SLC15A1: variants seen among roughly 807,000 people sequenced by gnomAD.
The protein encoded by SLC15A1 is solute carrier family 15 member 1, also known as Caco-2 oligopeptide transporter.
In SLC15A1, 83 loss-of-function variants were observed where a neutral mutation model predicts 92.9. The ratio of observed to expected loss-of-function variants is 0.89; its 90% CI spans 0.75 to 1.07. SLC15A1 has a LOEUF of 1.07. SLC15A1 is among the 50% of genes least tolerant of loss of function. The probability of loss-of-function intolerance (pLI) is 0.00; values close to 1 mark genes in which losing one functional copy is unlikely to be tolerated. For synonymous variants in SLC15A1, 322 were observed against 318.2 expected, an observed-to-expected ratio of 1.01 and a Z score of -0.13; for missense variants, 857 against 880.1, an observed-to-expected ratio of 0.97 and a Z score of 0.33.
At chr13:98,740,982 G>A (rs903882488) in intron 1 of SLC15A1, among the ~76,000 whole-genome samples, 10 of 152,224 alleles carry the variant, frequency 6.6e-5, no homozygotes, top group Admixed American at 6.5e-4. Flanking sequence ...GGCTCTTGTT[G>A]AGGCTGTTTC....
chr13:98,714,492 C>T (rs2088195826), intron 9 of SLC15A1, among the ~76,000 whole-genome samples: 1 of 151,674 alleles, frequency 6.6e-6, no homozygotes, highest in South Asian at 2.1e-4. Context: ...CCTGTCTCTA[C>T]AGAAATAGAA....
Position 98,715,958 on chromosome 13 carries a change from C to G in SLC15A1, c.643G>C (p.Val215Leu). Residue 215 changes from valine (V) to leucine (L), a missense_variant and splice_region_variant, in exon 9 of 23, where the codon GTG (valine) becomes CTG (leucine). Val to Leu is a conservative substitution (Grantham distance 32, BLOSUM62 1). Transcript: ENST00000376503. Reference sequence around the variant, plus strand: ...TACATCCCACTGCCAAGGACAAACACAACTAGATAGGGCAGAAGAAGACAT... The same window carrying G: ...TACATCCCACTGCCAAGGACAAACAGAACTAGATAGGGCAGAAGAAGACAT... ...PAALMAVALI[V>L]FVLGSGMYKK... 2 of 1,614,004 alleles carry G rather than the reference C, an allele frequency of 1.2e-6. No individual in the cohort carries two copies. The highest frequency in any genetic ancestry group is 2.2e-5 in the South Asian group (2 of 91,084).
chr13:98,693,291 T>C (rs1274525320), intron 18 of SLC15A1, among the ~76,000 whole-genome samples: 2 of 151,894 alleles, frequency 1.3e-5, no homozygotes, highest in African/African-American at 4.8e-5. Context: ...AGAGATGGGG[T>C]TTCACCATGT....
intron 1 of SLC15A1, 36 bp downstream of exon 1, chr13:98,752,559 C>T: frequency 7.9e-7 from 1 of 1,270,004 alleles, no homozygotes; most frequent in Non-Finnish European, 9.9e-7. Context: ...AGCTCCGAGT[C>T]TTTAGCCCGG....
In SLC15A1 at chr13:98,684,749, CCT is replaced by C. The variant is rs773226430; in HGVS notation, c.2100_2101del (p.Ala702GlnfsTer23). ...TCACATCTGTTTCTGTGAATTGGCC[CCT>C]GACATGAAATATGGGTTACTCTTTT... On this transcript the variant is annotated frameshift_variant, in exon 23 of 23. Coordinates refer to ENST00000376503, the MANE Select transcript of SLC15A1 (RefSeq NM_005073.4). LOFTEE classifies it high-confidence loss of function. 7 of 1,613,850 alleles carry C rather than the reference CCT, an allele frequency of 4.3e-6. No homozygotes were observed. The African/African-American group carries it at 8.0e-5, about 18-fold the overall frequency.
At chr13:98,700,598 A>C (rs2088059484) in intron 18 of SLC15A1, among the ~76,000 whole-genome samples, 1 of 151,808 alleles carries the variant, frequency 6.6e-6, no homozygotes, top group Admixed American at 6.6e-5. Flanking sequence ...CATATCTAAG[A>C]ACCCAAAGTC....
intron 5 of SLC15A1, among the ~76,000 whole-genome samples, chr13:98,723,440 A>G (rs2088275341): frequency 6.6e-6 from 1 of 152,242 alleles, no homozygotes; most frequent in Non-Finnish European, 1.5e-5. Context: ...GCACATGAGC[A>G]TTTATCAATA....
chr13:98,726,948 G>GAA, intron 1 of SLC15A1, 89 bp from the exon 2 acceptor site: 1 of 1,287,608 alleles, frequency 7.8e-7, no homozygotes, highest in East Asian at 2.3e-5. Context: ...ACTTTTTAGG[G>GAA]TGGTCAGAGG....
chr13:98,722,146 C>T (rs567486271), intron 5 of SLC15A1, among the ~76,000 whole-genome samples: 2 of 152,184 alleles, frequency 1.3e-5, no homozygotes, highest in African/African-American at 2.4e-5. Context: ...CAGTAGCTTG[C>T]GAGCTGAGCA....
intron 18 of SLC15A1, 120 bp downstream of exon 18, chr13:98,702,360 A>G (rs1338749993): frequency 6.6e-6 from 5 of 762,528 alleles, no homozygotes; most frequent in Admixed American, 4.4e-5. Flanking sequence ...CCAGCCTTAC[A>G]TTGCTGGGAC....
intron 10 of SLC15A1, 33 bp downstream of exon 10, chr13:98,712,465 A>G (rs181720496): frequency 2.7e-6 from 4 of 1,499,394 alleles, no homozygotes; most frequent in Non-Finnish European, 3.7e-6. Flanking sequence ...TCCTGGGGGA[A>G]TCAGGGTCAT....
chr13:98,688,600 T>C, intron 18 of SLC15A1, 23 bp from the exon 19 acceptor site: 1 of 1,545,942 alleles, frequency 6.5e-7, no homozygotes, highest in South Asian at 1.1e-5. Context: ...ACCATCTGTC[T>C]TGTAACTGAA....
At position 98,707,978 on chromosome 13, in the gene SLC15A1, A is replaced by T. The variant is rs183122976; in HGVS notation, c.1149+708T>A. ...ATATTTACTGCAATTAGTTTTTTTT[A>T]AATTTAAAGATATTAAAAGAGCTGC... On this transcript the variant is annotated intron_variant, in intron 15 of 22. Coordinates refer to ENST00000376503, the MANE Select transcript of SLC15A1 (RefSeq NM_005073.4). Among the ~76,000 whole-genome samples the T allele has an allele frequency of 1.2e-3, 175 of 149,276 alleles. 1 individual carries two copies. Among genetic ancestry groups the T allele is most frequent in the Middle Eastern group, 6.9e-3 (2 of 288 alleles).
At chr13:98,685,100 T>C (rs1294375470) in intron 22 of SLC15A1, among the ~76,000 whole-genome samples, 185 bp from the exon 23 acceptor site, 1 of 152,160 alleles carries the variant, frequency 6.6e-6, no homozygotes, top group Non-Finnish European at 1.5e-5. Context: ...ATGCCCAAGA[T>C]AGATAGATGC....
chr13:98,687,559 G>A (rs200066795), intron 21 of SLC15A1, 22 bp downstream of exon 21: 226 of 1,612,980 alleles, frequency 1.4e-4, no homozygotes, highest in Non-Finnish European at 1.9e-4. Flanking sequence ...CAGATGGGTG[G>A]TAAATACAAC....
chr13:98,708,616 G>A, intron 15 of SLC15A1, 70 bp downstream of exon 15: 1 of 1,370,152 alleles, frequency 7.3e-7, no homozygotes, highest in Non-Finnish European at 1.0e-6. Context: ...TCATGCTGAA[G>A]AAAGAAGATT....
At chr13:98,707,891 TAAA>T (rs745924829) in intron 15 of SLC15A1, among the ~76,000 whole-genome samples, 14,186 of 106,682 alleles carry the variant, frequency 0.13, 1,587 homozygotes, top group African/African-American at 0.3. Flanking sequence ...AGACCCTGTT[TAAA>T]AAAAAAAAAA....
chr13:98,721,317 A>G (rs2088255656), intron 7 of SLC15A1, 178 bp downstream of exon 7: 1 of 708,794 alleles, frequency 1.4e-6, no homozygotes. Context: ...AAATAAGACA[A>G]AAAGGAGGTG....
At chr13:98,701,845 A>T (rs9584912) in intron 18 of SLC15A1, among the ~76,000 whole-genome samples, 29,641 of 151,110 alleles carry the variant, frequency 0.2, 4,828 homozygotes, top group African/African-American at 0.45. Context: ...TATTTTTTTT[A>T]AAAATTTTTA....
Sources: allele counts gnomAD v4.1 joint callset (sites outside exome capture counted in the v4.1 genomes callset), GRCh38; gene constraint gnomAD v4.1.1; transcripts MANE v1.5; gene names NCBI Gene and HGNC (gene_info 2026-07-23, HGNC 2026-07-21).